The following SLC4A8 variants were observed in gnomAD, a reference collection of about 807,000 sequenced individuals.
SLC4A8 encodes the protein solute carrier family 4 member 8, also known as electroneutral sodium bicarbonate exchanger 1.
SLC4A8 carries 40 observed loss-of-function variants against 125.0 expected under a neutral mutation model. The ratio of observed to expected loss-of-function variants is 0.32; its 90% CI spans 0.25 to 0.42. The LOEUF is 0.42. Ranked by LOEUF, SLC4A8 falls within the 10% of genes least tolerant of loss-of-function variation. SLC4A8 has a pLI of 1.00. For synonymous variants in SLC4A8, 456 were observed against 476.0 expected, an observed-to-expected ratio of 0.96 and a Z score of 0.55; for missense variants, 863 against 1,355.1, an observed-to-expected ratio of 0.64 and a Z score of 5.70.
intron 1 of SLC4A8, chr12:51,392,202 A>T (rs1195438209): frequency 6.6e-6 from 1 of 152,362 alleles, no homozygotes; most frequent in East Asian, 1.9e-4. Context: ...CCGGGGAGGC[A>T]GCTGCTCACA....
rs1367841368 is a variant in SLC4A8, at chr12:51,514,284, T to A, written c.*6846T>A. On this transcript the variant is annotated 3_prime_UTR_variant, in exon 25 of 25. Coordinates refer to ENST00000453097, the MANE Select transcript of SLC4A8 (RefSeq NM_001039960.3). ...GGAGCCTTGCACTGAACCTCTCAGCTCTTTTGACTTTCTTCTGGTCATAGG... is the reference window on the plus strand; with the variant it reads ...GGAGCCTTGCACTGAACCTCTCAGCACTTTTGACTTTCTTCTGGTCATAGG... The A allele has an allele frequency of 6.5e-6, 1 of 152,672 alleles. No individual in the cohort carries two copies. The highest frequency in any genetic ancestry group is 2.4e-5 in the African/African-American group (1 of 41,450). The allele number at this position is 152,672 out of a possible 1,614,324, so 9.5% of individuals were successfully genotyped here.
At chr12:51,469,343 A>T (rs1174708871) in intron 11 of SLC4A8, among the ~76,000 whole-genome samples, 1 of 152,010 alleles carries the variant, frequency 6.6e-6, no homozygotes, top group Non-Finnish European at 1.5e-5. Flanking sequence ...TTTCGTGTTA[A>T]TTTTTTTGAA....
At chr12:51,467,886 G>C (rs970518748) in intron 11 of SLC4A8, among the ~76,000 whole-genome samples, 9 of 151,992 alleles carry the variant, frequency 5.9e-5, no homozygotes, top group African/African-American at 9.7e-5. Context: ...AAATTATCAT[G>C]CCATTATCAA....
intron 22 of SLC4A8, among the ~76,000 whole-genome samples, chr12:51,500,856 T>C (rs1348086125): frequency 6.6e-6 from 1 of 151,190 alleles, no homozygotes; most frequent in Non-Finnish European, 1.5e-5. Context: ...CTGGCTTTTT[T>C]TTTTTTTCTT....
At chr12:51,407,572 A>G (rs1948513455) in intron 1 of SLC4A8, among the ~76,000 whole-genome samples, 1 of 152,156 alleles carries the variant, frequency 6.6e-6, no homozygotes, top group Non-Finnish European at 1.5e-5. Flanking sequence ...CCCGGCTTCA[A>G]CATAGATTTC....
intron 1 of SLC4A8, among the ~76,000 whole-genome samples, chr12:51,439,807 T>A (rs1019071667): frequency 6.6e-6 from 1 of 152,088 alleles, no homozygotes; most frequent in Admixed American, 6.6e-5. Context: ...AACTTTGAAA[T>A]TTCACCTGTG....
At chr12:51,503,868 TG>T (rs555625257) in intron 22 of SLC4A8, among the ~76,000 whole-genome samples, 160 bp from the exon 23 acceptor site, 486 of 152,352 alleles carry the variant, frequency 3.2e-3, no homozygotes, top group Middle Eastern at 0.014. Context: ...AATATCTGGT[TG>T]TCTCTCATTT....
chr12:51,428,076 A>C (rs1949059734), intron 1 of SLC4A8, among the ~76,000 whole-genome samples: 1 of 152,112 alleles, frequency 6.6e-6, no homozygotes, highest in African/African-American at 2.4e-5. Flanking sequence ...CAATACAGTA[A>C]GTCTTGCATA....
At chr12:51,392,590 A>AAAAAG (rs1240861311) in intron 1 of SLC4A8, among the ~76,000 whole-genome samples, 13 of 150,968 alleles carry the variant, frequency 8.6e-5, no homozygotes, top group South Asian at 2.1e-4. Context: ...AAAAAAAGAA[A>AAAAAG]AAAAGAAAAG....
intron 14 of SLC4A8, among the ~76,000 whole-genome samples, chr12:51,473,917 AT>A (rs1361877980): frequency 6.6e-6 from 1 of 152,252 alleles, no homozygotes; most frequent in Non-Finnish European, 1.5e-5. Context: ...AGAATAAGAT[AT>A]TCAGGCTTGG....
At chr12:51,474,231 G>T in intron 14 of SLC4A8, 111 bp from the exon 15 acceptor site, 1 of 628,630 alleles carries the variant, frequency 1.6e-6, no homozygotes, top group Non-Finnish European at 2.8e-6. Context: ...TCTGAAGTAT[G>T]CAAAGAAGCA....
intron 9 of SLC4A8, 59 bp from the exon 10 acceptor site, chr12:51,462,251 G>A (rs902395432): frequency 4.6e-5 from 68 of 1,470,166 alleles, no homozygotes; most frequent in Non-Finnish European, 6.2e-5. Context: ...CATATCCATT[G>A]GTGATTGTTT....
At chr12:51,410,476 G>A (rs1948571963) in intron 1 of SLC4A8, among the ~76,000 whole-genome samples, 1 of 149,288 alleles carries the variant, frequency 6.7e-6, no homozygotes, top group Non-Finnish European at 1.5e-5. Flanking sequence ...TTTTTTTTGA[G>A]ATGGAGTTTT....
rs1004447787 is a variant in SLC4A8, at chr12:51,504,103, A to G, written c.3156A>G (p.Gly1052=). Residue 1052 remains glycine (G), a synonymous_variant, in exon 23 of 25, where the codon GGA becomes GGG. Transcript: ENST00000453097. ...LESRKLLSSP[G]KNISCRCDPS... Reference sequence around the variant, plus strand: ...GCAGGAAGTTACTAAGTAGTCCTGGAAAGAACATCAGTTGCAGGTAAAACT... The same window carrying G: ...GCAGGAAGTTACTAAGTAGTCCTGGGAAGAACATCAGTTGCAGGTAAAACT... 1.3e-6 allele frequency: 2 copies of G among 1,575,402 alleles called. No homozygotes were observed. Among genetic ancestry groups the G allele is most frequent in the African/African-American group, 1.3e-5 (1 of 74,264 alleles).
At chr12:51,464,319 G>A (rs915699586) in intron 11 of SLC4A8, among the ~76,000 whole-genome samples, 3 of 152,152 alleles carry the variant, frequency 2.0e-5, no homozygotes, top group Non-Finnish European at 2.9e-5. Context: ...TCTGTAGCAT[G>A]GAATGGACTA....
At chr12:51,471,141 A>C (rs1172727076) in intron 13 of SLC4A8, 146 bp from the exon 14 acceptor site, 2 of 766,828 alleles carry the variant, frequency 2.6e-6, no homozygotes, top group African/African-American at 3.5e-5. Context: ...GTGCCAGAGC[A>C]CTATTTAGAA....
chr12:51,500,011 G>A (rs940681826), intron 22 of SLC4A8, among the ~76,000 whole-genome samples: 1 of 152,146 alleles, frequency 6.6e-6, no homozygotes, highest in Non-Finnish European at 1.5e-5. Flanking sequence ...GCTGAATTGG[G>A]TACTTATTTT....
chr12:51,464,646 G>A (rs866066445), intron 11 of SLC4A8, among the ~76,000 whole-genome samples: 28 of 152,204 alleles, frequency 1.8e-4, no homozygotes, highest in Middle Eastern at 3.2e-3. Flanking sequence ...GTTCTGCTGG[G>A]TAGAGATTCT....
intron 1 of SLC4A8, among the ~76,000 whole-genome samples, chr12:51,394,107 G>A (rs906264642): frequency 6.6e-6 from 1 of 152,144 alleles, no homozygotes; most frequent in Non-Finnish European, 1.5e-5. Context: ...TTGCACCTTA[G>A]TCAGGACCCA....
Sources: allele counts gnomAD v4.1 joint callset (sites outside exome capture counted in the v4.1 genomes callset), GRCh38; gene constraint gnomAD v4.1.1; transcripts MANE v1.5; gene names NCBI Gene and HGNC (gene_info 2026-07-23, HGNC 2026-07-21).